The following GRM1 variants were observed in gnomAD, a reference collection of about 807,000 sequenced individuals.
GRM1 encodes the protein metabotropic glutamate receptor 1.
In GRM1, 33 loss-of-function variants were observed where a neutral mutation model predicts 90.9. That is an observed-to-expected ratio of 0.36 (90% confidence interval 0.28 to 0.49). GRM1 has a LOEUF of 0.49. Among genes scored for constraint, GRM1 ranks in the 20% least tolerant of loss-of-function variants. The probability of loss-of-function intolerance (pLI) is 0.99; values close to 1 mark genes in which losing one functional copy is unlikely to be tolerated. For synonymous variants in GRM1, 700 were observed against 613.2 expected (o/e 1.14, Z -2.09); for missense variants, 1,190 against 1,534.3 (o/e 0.78, Z 3.75).
intron 7 of GRM1, among the ~76,000 whole-genome samples, chr6:146,432,893 C>A (rs362816): frequency 2.0e-5 from 3 of 152,108 alleles, no homozygotes; most frequent in South Asian, 2.1e-4. Flanking sequence ...CATATGGCTG[C>A]TTTTCTGTGG....
chr6:146,345,936 G>T (rs746816838), intron 3 of GRM1, among the ~76,000 whole-genome samples: 2 of 152,296 alleles, frequency 1.3e-5, no homozygotes, highest in South Asian at 4.2e-4. Flanking sequence ...TACTTCGGGG[G>T]AGTGGTTTAT....
rs148251301 is a variant in GRM1 at position 146,332,929 on chromosome 6, C to G, written c.1187-19321C>G. On this transcript the variant is annotated intron_variant, in intron 3 of 7. Transcript: ENST00000282753. ...GCTTTGCCTCAAATATACACTTATT[C>G]GTTATCATGGATTGCCTCTTAACAT... Among the ~76,000 whole-genome samples, 740 of 152,238 alleles carry G rather than the reference C, an allele frequency of 4.9e-3. 7 individuals are homozygous for G. Among genetic ancestry groups the G allele is most frequent in the African/African-American group, 0.017 (692 of 41,550 alleles).
chr6:146,122,182 C>A (rs1460023393), intron 1 of GRM1, among the ~76,000 whole-genome samples: 1 of 152,140 alleles, frequency 6.6e-6, no homozygotes, highest in Non-Finnish European at 1.5e-5. Flanking sequence ...AGATAAAAAT[C>A]TTTTTCCACC....
intron 7 of GRM1, among the ~76,000 whole-genome samples, chr6:146,423,516 G>A (rs1778081370): frequency 6.6e-6 from 1 of 150,992 alleles, no homozygotes; most frequent in Admixed American, 6.6e-5. Flanking sequence ...GGGTGTCTTT[G>A]GGATTACTGA....
At chr6:146,104,773 A>C (rs945982118) in intron 1 of GRM1, among the ~76,000 whole-genome samples, 5 of 152,314 alleles carry the variant, frequency 3.3e-5, no homozygotes, top group Admixed American at 6.5e-5. Flanking sequence ...CCATACTGTA[A>C]AAAATGACTA....
chr6:146,062,492 C>CAATAA lies in GRM1; in HGVS notation c.700+32314_700+32318dup, dbSNP rs55760038. On this transcript the variant is annotated intron_variant, in intron 1 of 7. Coordinates refer to ENST00000282753, the MANE Select transcript of GRM1 (RefSeq NM_001278064.2). ...ATGTGTCTCAGAACTTAAAGTATAA[C>CAATAA]AATAAAATAAAATAAAATAAAATAA... Among the ~76,000 whole-genome samples the CAATAA allele has an allele frequency of 6.7e-3, 983 of 145,716 alleles. 22 individuals are homozygous for CAATAA. The highest frequency in any genetic ancestry group is 0.023 in the African/African-American group (885 of 38,648).
At chr6:146,283,118 A>C (rs1782634678) in intron 2 of GRM1, among the ~76,000 whole-genome samples, 1 of 152,206 alleles carries the variant, frequency 6.6e-6, no homozygotes, top group African/African-American at 2.4e-5. Flanking sequence ...GGAATTTATA[A>C]GGACCAGACT....
chr6:146,274,999 C>T lies in GRM1; in HGVS notation c.951-29612C>T, dbSNP rs144604089. Among the ~76,000 whole-genome samples the T allele has an allele frequency of 2.6e-5, 4 of 151,828 alleles. No homozygotes were observed. In the East Asian group the frequency reaches 7.8e-4, roughly 29 times the overall value. ...GAGCCAAGATCGTGCCACTGCACTCCAGCCTGGGTGACAGAGTGAGACTCT... is the reference window on the plus strand; with the variant it reads ...GAGCCAAGATCGTGCCACTGCACTCTAGCCTGGGTGACAGAGTGAGACTCT... On this transcript the variant is annotated intron_variant, in intron 2 of 7. Transcript: ENST00000282753.
At chr6:146,428,906 A>C (rs1193322901) in intron 7 of GRM1, among the ~76,000 whole-genome samples, 1 of 152,150 alleles carries the variant, frequency 6.6e-6, no homozygotes. Flanking sequence ...ACCCAGACAA[A>C]CTTTATGGTG....
At chr6:146,243,795 T>C (rs551665686) in intron 2 of GRM1, among the ~76,000 whole-genome samples, 1 of 152,188 alleles carries the variant, frequency 6.6e-6, no homozygotes, top group African/African-American at 2.4e-5. Flanking sequence ...AATGTCCTCA[T>C]CCTAATAAGC....
At chr6:146,228,855 A>G (rs73575029) in intron 2 of GRM1, among the ~76,000 whole-genome samples, 11,036 of 152,138 alleles carry the variant, frequency 0.073, 1,361 homozygotes, top group African/African-American at 0.25. Flanking sequence ...AAACTTTATT[A>G]TCTTTATGCT....
chr6:146,399,102 G>T lies in GRM1; in HGVS notation c.2063G>T (p.Gly688Val). 6.2e-7 allele frequency: 1 copy of T among 1,614,080 alleles called. No homozygotes were observed. The highest frequency in any genetic ancestry group is 8.5e-7 in the Non-Finnish European group (1 of 1,179,998). The change falls in exon 7 of 8, where the codon GGC (glycine) becomes GTC (valine). Residue 688 changes from glycine to valine, a missense_variant. Coordinates refer to ENST00000282753, the MANE Select transcript of GRM1 (RefSeq NM_001278064.2). The surrounding 1 kb of genome is among the most constrained non-coding windows in gnomAD (Gnocchi z 5.4). The stretch of plus-strand genomic sequence containing the variant: ...AATCGTATTGCACGCATCCTGGCTG[G>T]CAGCAAGAAGAAGATCTGCACCCGG... ...KTNRIARILAGSKKKICTRKP... is the reference protein window; with the variant it reads ...KTNRIARILAVSKKKICTRKP...
chr6:146,259,937 C>T (rs1470337575), intron 2 of GRM1, among the ~76,000 whole-genome samples: 1 of 149,062 alleles, frequency 6.7e-6, no homozygotes, highest in African/African-American at 2.4e-5. Context: ...CCAATTTCTA[C>T]ACATCCTCAC....
intron 7 of GRM1, among the ~76,000 whole-genome samples, chr6:146,428,996 CA>C (rs1353423790): frequency 6.6e-6 from 1 of 152,152 alleles, no homozygotes; most frequent in East Asian, 1.9e-4. Context: ...GAAGAAAGCA[CA>C]GGTCTTAATA....
At chr6:146,156,664 C>T (rs1226772246) in intron 1 of GRM1, among the ~76,000 whole-genome samples, 1 of 152,192 alleles carries the variant, frequency 6.6e-6, no homozygotes, top group Non-Finnish European at 1.5e-5. Flanking sequence ...TTTGCCTTCT[C>T]TTCCTCAATA....
chr6:146,098,537 A>G (rs1212527067), intron 1 of GRM1, among the ~76,000 whole-genome samples: 1 of 152,160 alleles, frequency 6.6e-6, no homozygotes, highest in Non-Finnish European at 1.5e-5. Context: ...TTAGATGTAT[A>G]ACTAAACGTG....
intron 5 of GRM1, among the ~76,000 whole-genome samples, chr6:146,360,794 A>G (rs191934673): frequency 8.8e-4 from 134 of 152,340 alleles, no homozygotes; most frequent in Non-Finnish European, 1.5e-3. Context: ...TTGCTAATAC[A>G]TTAATGGAAG....
intron 2 of GRM1, among the ~76,000 whole-genome samples, chr6:146,267,201 C>T (rs1781922262): frequency 6.6e-6 from 1 of 152,184 alleles, no homozygotes; most frequent in Non-Finnish European, 1.5e-5. Context: ...AGCCATGTCC[C>T]TGCAAAGGCC....
At chr6:146,164,643 G>T (rs1777845887) in intron 2 of GRM1, among the ~76,000 whole-genome samples, 1 of 152,056 alleles carries the variant, frequency 6.6e-6, no homozygotes, top group African/African-American at 2.4e-5. Flanking sequence ...ATCACAAAAT[G>T]CCTGCTTGCC....
Sources: allele counts gnomAD v4.1 joint callset (sites outside exome capture counted in the v4.1 genomes callset), GRCh38; gene constraint gnomAD v4.1.1; non-coding constraint Gnocchi (gnomAD v3.1); transcripts MANE v1.5; gene names NCBI Gene and HGNC (gene_info 2026-07-23, HGNC 2026-07-21).